The following GSDME variants were observed in gnomAD, a reference collection of about 807,000 sequenced individuals.
The protein encoded by GSDME is gasdermin-E.
GSDME carries 44 observed loss-of-function variants against 47.5 expected under a neutral mutation model. The ratio of observed to expected loss-of-function variants is 0.93; its 90% CI spans 0.73 to 1.19. The LOEUF (loss-of-function observed/expected upper bound fraction) is 1.19. Among genes scored for constraint, GSDME ranks in the 50% most tolerant of loss-of-function variants. The pLI, the probability that GSDME is intolerant of heterozygous loss-of-function variation, is 0.00. For missense variants in GSDME, 663 were observed against 604.2 expected (o/e 1.10, Z -1.02); for synonymous variants, 258 against 252.8 (o/e 1.02, Z -0.20).
At position 24,744,665 on chromosome 7, in the gene GSDME, G is replaced by C. The variant is rs1157441130; in HGVS notation, c.301C>G (p.Leu101Val). The stretch of plus-strand genomic sequence containing the variant: ...ACGCGGCTGCTGCCCCCCAGGTTCA[G>C]CTTGACCTTCCCCAGTGCAGTCTCC... ...TLETALGKVK[L>V]NLGGSSRVES... Residue 101 changes from leucine (L) to valine (V), a missense_variant, in exon 3 of 10, where the codon CTG becomes GTG. Physicochemically the swap from Leu to Val is conservative, Grantham distance 32 (BLOSUM62 1). Coordinates refer to ENST00000645220, the MANE Select transcript of GSDME (RefSeq NM_001127453.2). The surrounding 1 kb of genome is among the most constrained non-coding windows in gnomAD (Gnocchi z 4.5). The C allele has an allele frequency of 1.2e-6, 2 of 1,614,180 alleles. No individual in the cohort carries two copies. Among genetic ancestry groups the C allele is most frequent in the Admixed American group, 1.7e-5 (1 of 60,020 alleles).
In GSDME at chr7:24,714,021, C is replaced by G. The variant is rs930887678; in HGVS notation, c.697+3233G>C. ...GCCAGTGGGGAGACGTGCACAGATT[C>G]AGGTGCAGCGTGGGAAACAGGTTCA... On this transcript the variant is annotated intron_variant, in intron 5 of 9. Coordinates refer to ENST00000645220, the MANE Select transcript of GSDME (RefSeq NM_001127453.2). This position sits in a 1 kb window ranked among gnomAD's most constrained non-coding sequence, Gnocchi z 5.0. Among the ~76,000 whole-genome samples, 3 of 152,206 alleles carry G rather than the reference C, an allele frequency of 2.0e-5. No homozygotes were observed. Among genetic ancestry groups the G allele is most frequent in the African/African-American group, 7.2e-5 (3 of 41,444 alleles).
intron 1 of GSDME, among the ~76,000 whole-genome samples, chr7:24,755,415 T>C (rs183677016): frequency 2.5e-4 from 38 of 152,294 alleles, no homozygotes; most frequent in Middle Eastern, 3.4e-3. Flanking sequence ...ACGAGGATAC[T>C]CAATCACAGA....
chr7:24,727,572 T>C (rs190758201), intron 3 of GSDME, among the ~76,000 whole-genome samples: 4 of 152,396 alleles, frequency 2.6e-5, no homozygotes, highest in African/African-American at 9.6e-5. Context: ...AACTACAGTT[T>C]ACAAAGGATC....
the GSDME span, among the ~76,000 whole-genome samples, chr7:24,778,266 A>C: frequency 6.6e-6 from 1 of 151,872 alleles, no homozygotes; most frequent in Non-Finnish European, 1.5e-5. The surrounding 1 kb of genome is among the most constrained non-coding windows in gnomAD (Gnocchi z 5.6). Context: ...TTTGTAACAA[A>C]AGGCTGGAAC....
chr7:24,738,516 GAATA>G (rs1562709162), intron 3 of GSDME, among the ~76,000 whole-genome samples: 1 of 152,050 alleles, frequency 6.6e-6, no homozygotes, highest in African/African-American at 2.4e-5. Flanking sequence ...CAGATCAGAA[GAATA>G]AATATTGTTA....
chr7:24,699,669 T>A (rs1788781257), intron 9 of GSDME, among the ~76,000 whole-genome samples: 1 of 151,946 alleles, frequency 6.6e-6, no homozygotes, highest in South Asian at 2.1e-4. Context: ...TTTCCCCAAA[T>A]AGAGCAGGAA....
Position 24,721,135 on chromosome 7 carries a change from G to A in GSDME, c.405-1917C>T, listed in dbSNP as rs1391387629. Among the ~76,000 whole-genome samples the A allele has an allele frequency of 2.0e-5, 3 of 152,148 alleles. No individual in the cohort carries two copies. The highest frequency in any genetic ancestry group is 4.8e-5 in the African/African-American group (2 of 41,440). Reference sequence around the variant, plus strand: ...CTGCAGAGTTCCTAGTTGAGGTGACGAAGAAGTTCTAGAAATGCAGAGTAG... The same window carrying A: ...CTGCAGAGTTCCTAGTTGAGGTGACAAAGAAGTTCTAGAAATGCAGAGTAG... On this transcript the variant is annotated intron_variant, in intron 3 of 9. Coordinates refer to ENST00000645220, the MANE Select transcript of GSDME (RefSeq NM_001127453.2). The surrounding 1 kb of genome is among the most constrained non-coding windows in gnomAD (Gnocchi z 4.1).
At chr7:24,704,675 A>G (rs1362197638) in intron 8 of GSDME, 1 of 152,100 alleles carries the variant, frequency 6.6e-6, no homozygotes, top group Non-Finnish European at 1.5e-5. Context: ...TCAGTCTCAC[A>G]TTATGTGTCA....
intron 2 of GSDME, among the ~76,000 whole-genome samples, chr7:24,748,449 C>T (rs1413297784): frequency 1.3e-5 from 2 of 152,038 alleles, no homozygotes; most frequent in South Asian, 2.1e-4. Context: ...TGAGCCACCA[C>T]GCCCGGCCTA....
Position 24,701,633 on chromosome 7 carries a change from T to C in GSDME, c.1257+1127A>G, listed in dbSNP as rs115833315. Among the ~76,000 whole-genome samples, 485 of 152,372 alleles carry C rather than the reference T, an allele frequency of 3.2e-3. 1 individual carries two copies. The highest frequency in any genetic ancestry group is 0.01 in the African/African-American group (433 of 41,588). On this transcript the variant is annotated intron_variant, in intron 9 of 9. Transcript: ENST00000645220. ...AGATCTGAAAGCAGAGCTGTTGTTT[T>C]GCTCATCATTGCATACAATTAGAAT...
At chr7:24,700,545 A>T (rs749782999) in intron 9 of GSDME, among the ~76,000 whole-genome samples, 2 of 152,232 alleles carry the variant, frequency 1.3e-5, no homozygotes, top group Non-Finnish European at 2.9e-5. Context: ...TTTCCTGAGC[A>T]GTGGTGACTA....
At chr7:24,707,791 CAA>C in intron 7 of GSDME, 1 of 505,634 alleles carries the variant, frequency 2.0e-6, no homozygotes, top group Middle Eastern at 5.3e-4. Flanking sequence ...TGGAAGGAGA[CAA>C]GGCAGCAGAA....
chr7:24,755,668 T>G (rs1790992043), intron 1 of GSDME, among the ~76,000 whole-genome samples: 1 of 152,186 alleles, frequency 6.6e-6, no homozygotes, highest in African/African-American at 2.4e-5. Context: ...GAGCCAAGAT[T>G]CCACCCGAGG....
intron 3 of GSDME, among the ~76,000 whole-genome samples, chr7:24,731,254 C>T (rs950029424): frequency 2.6e-5 from 4 of 152,212 alleles, no homozygotes; most frequent in Admixed American, 2.6e-4. Context: ...ACATCTCCTG[C>T]CACAAACAAA....
chr7:24,779,456 C>G, the GSDME span, among the ~76,000 whole-genome samples: 1 of 150,666 alleles, frequency 6.6e-6, no homozygotes, highest in Non-Finnish European at 1.5e-5. The surrounding 1 kb of genome is among the most constrained non-coding windows in gnomAD (Gnocchi z 6.0). Context: ...TCCTACATTC[C>G]TACACCTTTA....
chr7:24,700,166 T>G (rs1196517078), intron 9 of GSDME, among the ~76,000 whole-genome samples: 1 of 152,168 alleles, frequency 6.6e-6, no homozygotes, highest in Non-Finnish European at 1.5e-5. Flanking sequence ...CTTGATAGTG[T>G]TTAGTCACCT....
Position 24,756,359 on chromosome 7 carries a change from T to C in GSDME, c.-20+1037A>G, listed in dbSNP as rs1791016408. On this transcript the variant is annotated intron_variant, in intron 1 of 9. Coordinates refer to ENST00000645220, the MANE Select transcript of GSDME (RefSeq NM_001127453.2). This position sits in a 1 kb window ranked among gnomAD's most constrained non-coding sequence, Gnocchi z 4.2. Reference sequence around the variant, plus strand: ...CTTGGTGACAGAGCGAGACCCTCTCTCAACAATAACAAAGAACCTAGCCAA... The same window carrying C: ...CTTGGTGACAGAGCGAGACCCTCTCCCAACAATAACAAAGAACCTAGCCAA... 6.6e-6 allele frequency among the ~76,000 whole-genome samples: 1 copy of C among 152,144 alleles called. No individual in the cohort carries two copies. Among genetic ancestry groups the C allele is most frequent in the Non-Finnish European group, 1.5e-5 (1 of 68,014 alleles).
At chr7:24,703,211 C>T (rs1788951159) in intron 8 of GSDME, 1 of 344,806 alleles carries the variant, frequency 2.9e-6, no homozygotes. Context: ...GCCTCAGGTA[C>T]ACCTCTCTCA....
chr7:24,707,827 A>G (rs1400496422), intron 7 of GSDME: 20 of 540,746 alleles, frequency 3.7e-5, no homozygotes. Flanking sequence ...CCTCTGGGGG[A>G]AGTGTGGCCC....
Sources: gnomAD v4.1 joint callset for allele counts (sites outside exome capture counted in the v4.1 genomes callset) on GRCh38, gnomAD v4.1.1 for gene constraint, Gnocchi (gnomAD v3.1) non-coding constraint, MANE v1.5 for transcripts, NCBI Gene and HGNC (gene_info 2026-07-23, HGNC 2026-07-21) for gene names.